The following PPFIBP2 variants were observed in gnomAD, a reference collection of about 807,000 sequenced individuals.
The protein encoded by PPFIBP2 is PPFIB scaffold protein 2, also known as liprin-beta-2.
PPFIBP2 carries 118 observed loss-of-function variants against 118.3 expected under a neutral mutation model. That is an observed-to-expected ratio of 1.00 (90% CI 0.86 to 1.16). The LOEUF is 1.16. Ranked by LOEUF, PPFIBP2 falls within the 50% of genes most tolerant of loss-of-function variation. The probability of loss-of-function intolerance (pLI) is 0.00; values close to 1 mark genes in which losing one functional copy is unlikely to be tolerated. For missense variants in PPFIBP2, 1,195 were observed against 1,073.1 expected, an observed-to-expected ratio of 1.11 and a Z score of -1.59; for synonymous variants, 414 against 397.4, an observed-to-expected ratio of 1.04 and a Z score of -0.50.
rs1854328822 is a variant in PPFIBP2, at chr11:7,653,251, G to A, written c.*33G>A. 1 of 1,613,146 alleles carries A rather than the reference G, an allele frequency of 6.2e-7. No individual in the cohort carries two copies. Among genetic ancestry groups the A allele is most frequent in the African/African-American group, 1.3e-5 (1 of 75,044 alleles). On this transcript the variant is annotated 3_prime_UTR_variant, in exon 24 of 24. Coordinates refer to ENST00000299492, the MANE Select transcript of PPFIBP2 (RefSeq NM_003621.5). Reference sequence around the variant, plus strand: ...GTCACCTGCCCTCTGTGCACCCTGAGAGCTCACAGTAACACTGTGTGTGTC... The same window carrying A: ...GTCACCTGCCCTCTGTGCACCCTGAAAGCTCACAGTAACACTGTGTGTGTC...
At position 7,653,508 on chromosome 11, in the gene PPFIBP2, T is replaced by C. The variant is rs1276862696; in HGVS notation, c.*290T>C. ...TCTTGATGTTCATCTTCAGCACCAG[T>C]GGAAACACATGAACTTCGATGCAGG... On this transcript the variant is annotated 3_prime_UTR_variant, in exon 24 of 24. Transcript: ENST00000299492. 3 of 1,377,682 alleles carry C rather than the reference T, an allele frequency of 2.2e-6. No individual in the cohort carries two copies. The highest frequency in any genetic ancestry group is 2.9e-5 in the African/African-American group (2 of 69,324). The allele number at this position is 1,377,682 out of a possible 1,614,324, so 85.3% of individuals were successfully genotyped here.
chr11:7,658,221 G>T (rs71474922), downstream of PPFIBP2, among the ~76,000 whole-genome samples: 33,389 of 148,526 alleles, frequency 0.22, 3,856 homozygotes, highest in African/African-American at 0.27. Context: ...ATGTATACAT[G>T]TGCCATGCTG....
chr11:7,636,661 C>T (rs1851495555), intron 14 of PPFIBP2, among the ~76,000 whole-genome samples: 1 of 152,114 alleles, frequency 6.6e-6, no homozygotes, highest in African/African-American at 2.4e-5. Context: ...GGAAACACAC[C>T]CAGCTCACAG....
intron 4 of PPFIBP2, among the ~76,000 whole-genome samples, chr11:7,596,433 T>C (rs891927376): frequency 2.0e-5 from 3 of 151,888 alleles, no homozygotes; most frequent in Non-Finnish European, 4.4e-5. Context: ...AAAAGTGGAA[T>C]GTTAACCATG....
chr11:7,648,521 C>T lies in PPFIBP2; in HGVS notation c.1781C>T (p.Pro594Leu), dbSNP rs1239107428. 3 of 1,614,088 alleles carry T rather than the reference C, an allele frequency of 1.9e-6. No homozygotes were observed. Among genetic ancestry groups the T allele is most frequent in the Admixed American group, 3.3e-5 (2 of 60,016 alleles). The change falls in exon 18 of 24, where the codon CCT (proline) becomes CTT (leucine). Residue 594 changes from proline to leucine, a missense_variant. By Grantham distance (98) the Pro-to-Leu change is moderately conservative. Transcript: ENST00000299492. The part of the protein sequence containing the change: ...SSGHTLLTAT[P>L]QDMEKELGIK... ...GGCCACACCTTATTGACAGCCACCC[C>T]TCAGGACATGGAAAAGGTAAGGGCT... is the stretch of plus-strand genomic sequence containing the variant.
intron 6 of PPFIBP2, among the ~76,000 whole-genome samples, chr11:7,612,515 A>G (rs1166659765): frequency 6.6e-6 from 1 of 152,178 alleles, no homozygotes; most frequent in Admixed American, 6.5e-5. Context: ...AAGGAAGGAG[A>G]GCTCCCACTT....
chr11:7,650,923 T>C lies in PPFIBP2; in HGVS notation c.2205T>C (p.Tyr735=), dbSNP rs1349173825. 3 of 1,614,030 alleles carry C rather than the reference T, an allele frequency of 1.9e-6. No homozygotes were observed. The African/African-American group carries it at 4.0e-5, about 22-fold the overall frequency. The part of the protein sequence containing the change: ...EWLRSVDLAE[Y]APNLRGSGVH... ...TACGATCTGTGGACCTGGCAGAGTATGCACCCAATCTTCGAGGGAGTGGAG... is the reference window on the plus strand; with the variant it reads ...TACGATCTGTGGACCTGGCAGAGTACGCACCCAATCTTCGAGGGAGTGGAG... Residue 735 remains tyrosine, a synonymous_variant, in exon 22 of 24, where the codon TAT becomes TAC. Coordinates refer to ENST00000299492, the MANE Select transcript of PPFIBP2 (RefSeq NM_003621.5).
chr11:7,587,297 T>C (rs1858392219), intron 3 of PPFIBP2, among the ~76,000 whole-genome samples: 2 of 152,226 alleles, frequency 1.3e-5, no homozygotes, highest in Admixed American at 6.5e-5. Flanking sequence ...GTTTGAACTA[T>C]AGTTGGCTTA....
In PPFIBP2 at chr11:7,555,790, G is replaced by A. The variant is rs140470660; in HGVS notation, c.64+6251G>A. ...CCAGTCCTTTATGGAACTGTGCCTC[G>A]TTTTCCATTCTCTGAAAGAGTTTGG... On this transcript the variant is annotated intron_variant, in intron 2 of 23. Transcript: ENST00000299492. Among the ~76,000 whole-genome samples the A allele has an allele frequency of 1.3e-3, 201 of 152,222 alleles. 1 individual carries two copies. Among genetic ancestry groups the A allele is most frequent in the African/African-American group, 4.1e-3 (171 of 41,506 alleles).
At chr11:7,622,340 C>T (rs1460918056) in intron 7 of PPFIBP2, among the ~76,000 whole-genome samples, 4 of 152,176 alleles carry the variant, frequency 2.6e-5, no homozygotes, top group Admixed American at 6.5e-5. Context: ...GATCCATTCA[C>T]CTCCTACCAG....
At chr11:7,550,664 C>A (rs1366179691) in intron 2 of PPFIBP2, among the ~76,000 whole-genome samples, 1 of 152,156 alleles carries the variant, frequency 6.6e-6, no homozygotes, top group Non-Finnish European at 1.5e-5. Flanking sequence ...TGAGTGTCAA[C>A]TTGATTGAAT....
downstream of PPFIBP2, among the ~76,000 whole-genome samples, chr11:7,654,396 G>C (rs917880328): frequency 2.0e-5 from 3 of 152,158 alleles, no homozygotes; most frequent in East Asian, 3.9e-4. Context: ...TCAATCCCCT[G>C]GGCCTCATCG....
chr11:7,517,845 C>T (rs1326816618), intron 1 of PPFIBP2, among the ~76,000 whole-genome samples: 1 of 152,200 alleles, frequency 6.6e-6, no homozygotes, highest in Non-Finnish European at 1.5e-5. Context: ...CAAATGAGAT[C>T]CGAGTAGGAG....
chr11:7,655,470 T>C, downstream of PPFIBP2: 1 of 1,289,750 alleles, frequency 7.8e-7, no homozygotes, highest in Non-Finnish European at 1.0e-6. Context: ...CAGATAGGGC[T>C]CCTCTCCCAA....
At chr11:7,614,507 T>G (rs1848417631) in intron 6 of PPFIBP2, among the ~76,000 whole-genome samples, 1 of 152,244 alleles carries the variant, frequency 6.6e-6, no homozygotes, top group Non-Finnish European at 1.5e-5. Context: ...CTAATTTATT[T>G]AATCAGTCGT....
At chr11:7,602,754 A>C (rs1047036771) in intron 5 of PPFIBP2, among the ~76,000 whole-genome samples, 1 of 152,138 alleles carries the variant, frequency 6.6e-6, no homozygotes, top group African/African-American at 2.4e-5. Context: ...ACCGACCCAG[A>C]GCTTCAGGGT....
At chr11:7,617,436 C>A in intron 6 of PPFIBP2, 1 of 442,036 alleles carries the variant, frequency 2.3e-6, no homozygotes, top group Non-Finnish European at 3.0e-6. Context: ...CTTGGACTCA[C>A]TCAATCCTCT....
Position 7,648,493 on chromosome 11 carries a change from T to G in PPFIBP2, c.1753T>G (p.Ser585Ala). The G allele has an allele frequency of 1.2e-6, 2 of 1,614,098 alleles. No individual in the cohort carries two copies. The highest frequency in any genetic ancestry group is 1.7e-6 in the Non-Finnish European group (2 of 1,180,028). The change falls in exon 18 of 24, where the codon TCT becomes GCT. Residue 585 changes from serine to alanine, a missense_variant. Ser to Ala is a moderately conservative substitution (Grantham distance 99). Transcript: ENST00000299492. ...YVIFARQWVSSGHTLLTATPQ... is the reference protein window; with the variant it reads ...YVIFARQWVSAGHTLLTATPQ... ...GATCTTTGCCAGGCAGTGGGTATCT[T>G]CTGGCCACACCTTATTGACAGCCAC...
chr11:7,607,377 T>C (rs1303519994), intron 5 of PPFIBP2, among the ~76,000 whole-genome samples: 1 of 112,012 alleles, frequency 8.9e-6, no homozygotes, highest in Non-Finnish European at 1.9e-5. Context: ...CGGGTGCTAA[T>C]TTTTTTTTTG....
Sources: allele counts gnomAD v4.1 joint callset (sites outside exome capture counted in the v4.1 genomes callset), GRCh38; gene constraint gnomAD v4.1.1; transcripts MANE v1.5; gene names NCBI Gene and HGNC (gene_info 2026-07-23, HGNC 2026-07-21).